The following ANKRD13C variants were observed in gnomAD, a reference collection of about 807,000 sequenced individuals.
ANKRD13C encodes the protein ankyrin repeat domain-containing protein 13C.
A neutral mutation model predicts 65.5 loss-of-function variants in ANKRD13C; 16 were observed. That is an observed-to-expected ratio of 0.24 (90% CI 0.17 to 0.37). ANKRD13C has a LOEUF of 0.37. Among genes scored for constraint, ANKRD13C ranks in the 10% least tolerant of loss-of-function variants. The pLI is 1.00. For synonymous variants in ANKRD13C, 235 were observed against 238.7 expected, an observed-to-expected ratio of 0.98 and a Z score of 0.14; for missense variants, 503 against 655.9, an observed-to-expected ratio of 0.77 and a Z score of 2.55.
Position 70,308,687 on chromosome 1 carries a change from C to A in ANKRD13C, c.710-2397G>T, listed in dbSNP as rs565560451. On this transcript the variant is annotated intron_variant, in intron 5 of 12. Coordinates refer to ENST00000370944, the MANE Select transcript of ANKRD13C (RefSeq NM_030816.5). ...CCAGGAGGCGGAACTTGCAGTGAGC[C>A]GAGATTGCGCCACTGTGCTCCAGCC... Among the ~76,000 whole-genome samples, 32 of 143,092 alleles carry A rather than the reference C, an allele frequency of 2.2e-4. No homozygotes were observed. The East Asian group carries it at 4.0e-3, about 18-fold the overall frequency. The allele number at this position is 143,092 out of a possible 152,430, so 93.9% of individuals were successfully genotyped here. A position where few individuals can be genotyped will look rare whatever the true frequency, so the allele number is the denominator to read the frequency against.
chr1:70,280,798 T>G (rs1208115238), intron 9 of ANKRD13C, among the ~76,000 whole-genome samples: 7 of 152,188 alleles, frequency 4.6e-5, no homozygotes, highest in Admixed American at 4.6e-4. Context: ...GCATAGCCAT[T>G]ACATGATTCA....
intron 7 of ANKRD13C, 61 bp from the exon 8 acceptor site, chr1:70,296,322 C>T: frequency 1.3e-6 from 2 of 1,498,836 alleles, no homozygotes; most frequent in African/African-American, 2.8e-5. Flanking sequence ...CTTAGTACTA[C>T]ATATGAAAAT....
chr1:70,263,044 A>G (rs1678457198), intron 12 of ANKRD13C, among the ~76,000 whole-genome samples, 197 bp from the exon 13 acceptor site: 1 of 151,794 alleles, frequency 6.6e-6, no homozygotes, highest in Non-Finnish European at 1.5e-5. Flanking sequence ...TAGTGAGGAG[A>G]AAAAGACATT....
rs1678360091 is a variant in ANKRD13C, at chr1:70,260,715, T to C, written c.*2002A>G. 6.6e-6 allele frequency: 1 copy of C among 152,168 alleles called. No individual in the cohort carries two copies. The highest frequency in any genetic ancestry group is 1.5e-5 in the Non-Finnish European group (1 of 67,984). 9.4% of individuals were successfully genotyped at this position (152,168 alleles called of 1,614,324 possible). A position where few individuals can be genotyped will look rare whatever the true frequency, so the allele number is the denominator to read the frequency against. Reference sequence around the variant, plus strand: ...AAAAGACATTTTGGAATGGATAATCTGTTTCTACCATTCTTTAAAGAAAAA... The same window carrying C: ...AAAAGACATTTTGGAATGGATAATCCGTTTCTACCATTCTTTAAAGAAAAA... On this transcript the variant is annotated 3_prime_UTR_variant, in exon 13 of 13. Transcript: ENST00000370944.
intron 9 of ANKRD13C, among the ~76,000 whole-genome samples, chr1:70,287,727 C>T (rs1359237114): frequency 1.3e-5 from 2 of 152,054 alleles, no homozygotes; most frequent in Non-Finnish European, 2.9e-5. Flanking sequence ...GAACTTTGGG[C>T]CAGGCATAAT....
At chr1:70,292,312 A>C in intron 9 of ANKRD13C, 76 bp downstream of exon 9, 2 of 1,157,654 alleles carry the variant, frequency 1.7e-6, no homozygotes, top group Non-Finnish European at 1.2e-6. Context: ...TTATATACTT[A>C]CTGAATGCCA....
chr1:70,283,730 G>A (rs1177018020), intron 9 of ANKRD13C, among the ~76,000 whole-genome samples: 1 of 151,984 alleles, frequency 6.6e-6, no homozygotes, highest in African/African-American at 2.4e-5. Flanking sequence ...ATTGCTTGGA[G>A]CCGGGAGACG....
At chr1:70,353,552 T>A (rs1682846992) in intron 1 of ANKRD13C, among the ~76,000 whole-genome samples, 1 of 152,102 alleles carries the variant, frequency 6.6e-6, no homozygotes, top group South Asian at 2.1e-4. Context: ...CAAGATGGGA[T>A]CTGTATGTGA....
At chr1:70,351,234 C>T (rs1217969379) in intron 1 of ANKRD13C, among the ~76,000 whole-genome samples, 2 of 152,188 alleles carry the variant, frequency 1.3e-5, no homozygotes, top group Non-Finnish European at 2.9e-5. Flanking sequence ...CAATAATCAT[C>T]ACTGTCATCA....
intron 2 of ANKRD13C, among the ~76,000 whole-genome samples, chr1:70,326,721 C>G (rs1488385632): frequency 6.6e-6 from 1 of 151,976 alleles, no homozygotes; most frequent in Non-Finnish European, 1.5e-5. Context: ...AGGGCAATAA[C>G]AGACATGTTG....
rs1397785529 is a variant in ANKRD13C at position 70,309,729 on chromosome 1, AAAAAAT to A, written c.710-3445_710-3440del. ...AGACTCCGTCGCAAAAAAAAAAAAA[AAAAAAT>A]AATAATAATAATAATATACAAATAA... On this transcript the variant is annotated intron_variant, in intron 5 of 12. Transcript: ENST00000370944. 3.4e-4 allele frequency among the ~76,000 whole-genome samples: 42 copies of A among 123,444 alleles called. 1 individual carries two copies. The highest frequency in any genetic ancestry group is 3.9e-4 in the Non-Finnish European group (23 of 58,362). 81.0% of individuals were successfully genotyped at this position (123,444 alleles called of 152,430 possible). A position where few individuals can be genotyped will look rare whatever the true frequency, so the allele number is the denominator to read the frequency against.
At chr1:70,289,855 A>G (rs1192956301) in intron 9 of ANKRD13C, among the ~76,000 whole-genome samples, 1 of 152,320 alleles carries the variant, frequency 6.6e-6, no homozygotes, top group East Asian at 1.9e-4. Flanking sequence ...CTCTAATAAA[A>G]TTTAAATCAC....
intron 6 of ANKRD13C, among the ~76,000 whole-genome samples, chr1:70,303,277 G>A (rs901458850): frequency 2.0e-5 from 3 of 152,120 alleles, no homozygotes; most frequent in African/African-American, 7.2e-5. Context: ...ACATTTTAAA[G>A]TCCTCACTAG....
intron 3 of ANKRD13C, among the ~76,000 whole-genome samples, chr1:70,316,344 A>G (rs1431203877): frequency 1.3e-5 from 2 of 152,064 alleles, no homozygotes; most frequent in African/African-American, 2.4e-5. Context: ...ACAAGTTACT[A>G]CTTAATTTCT....
intron 1 of ANKRD13C, among the ~76,000 whole-genome samples, chr1:70,353,740 A>G (rs191017803): frequency 2.6e-4 from 39 of 152,348 alleles, no homozygotes; most frequent in African/African-American, 9.4e-4. Context: ...GTCTCAAACA[A>G]AACAGCTTCT....
At chr1:70,289,937 A>T (rs1679788991) in intron 9 of ANKRD13C, among the ~76,000 whole-genome samples, 1 of 152,208 alleles carries the variant, frequency 6.6e-6, no homozygotes, top group Non-Finnish European at 1.5e-5. Flanking sequence ...TCAAAGACTG[A>T]GCTCAGCATT....
At chr1:70,341,575 G>A (rs1398630808) in intron 1 of ANKRD13C, among the ~76,000 whole-genome samples, 5 of 151,842 alleles carry the variant, frequency 3.3e-5, no homozygotes, top group Non-Finnish European at 1.5e-5. Context: ...GGCCAGGCTG[G>A]TCTTGAACTC....
At chr1:70,315,669 A>G in intron 3 of ANKRD13C, 103 bp from the exon 4 acceptor site, 2 of 808,626 alleles carry the variant, frequency 2.5e-6, no homozygotes, top group Non-Finnish European at 1.9e-6. Context: ...GTACACATAT[A>G]TGCACGTGCA....
chr1:70,297,443 G>A (rs552040805), intron 7 of ANKRD13C, among the ~76,000 whole-genome samples: 2 of 150,036 alleles, frequency 1.3e-5, no homozygotes, highest in East Asian at 2.0e-4. Flanking sequence ...ACAGGCACCC[G>A]CCCCCATGCC....
Sources: allele counts gnomAD v4.1 joint callset (sites outside exome capture counted in the v4.1 genomes callset), GRCh38; gene constraint gnomAD v4.1.1; transcripts MANE v1.5; gene names NCBI Gene and HGNC (gene_info 2026-07-23, HGNC 2026-07-21).